The following IL1R1 variants were observed in gnomAD, a reference collection of about 807,000 sequenced individuals.
IL1R1 encodes interleukin 1 receptor type 1.
In IL1R1, 22 loss-of-function variants were observed where a neutral mutation model predicts 50.2. The observed-to-expected ratio is 0.44, with a 90% CI of 0.31 to 0.63. IL1R1 has a LOEUF of 0.63. IL1R1 is among the 20% of genes least tolerant of loss of function. IL1R1 has a pLI of 0.07. For missense variants in IL1R1, 509 were observed against 676.2 expected (o/e 0.75, Z 2.74); for synonymous variants, 251 against 236.7 (o/e 1.06, Z -0.55).
upstream of IL1R1, chr2:102,142,645 C>G (rs1435881782): frequency 5.3e-5 from 8 of 151,796 alleles, no homozygotes; most frequent in Non-Finnish European, 8.8e-5. Flanking sequence ...GTTGGGACAC[C>G]CGGCCAGCTC....
intron 3 of IL1R1, among the ~76,000 whole-genome samples, chr2:102,158,978 G>A (rs1684456579): frequency 6.6e-6 from 1 of 152,174 alleles, no homozygotes; most frequent in Non-Finnish European, 1.5e-5. Flanking sequence ...GAACCAAGAG[G>A]GATTTGGAGT....
At chr2:102,125,840 G>T (rs1681682666) in intron 1 of IL1R1, among the ~76,000 whole-genome samples, 1 of 152,184 alleles carries the variant, frequency 6.6e-6, no homozygotes, top group Non-Finnish European at 1.5e-5. Context: ...TGTGATGCCT[G>T]GGATGCAATA....
At chr2:102,172,460 AT>A (rs936152671) in intron 8 of IL1R1, 12 of 978,344 alleles carry the variant, frequency 1.2e-5, no homozygotes, top group Non-Finnish European at 1.3e-5. Flanking sequence ...GGAAGTGGTA[AT>A]TTTTTTGCTT....
At chr2:102,130,944 C>T (rs1033124715) in intron 1 of IL1R1, among the ~76,000 whole-genome samples, 1 of 152,094 alleles carries the variant, frequency 6.6e-6, no homozygotes, top group African/African-American at 2.4e-5. Flanking sequence ...AAAACAAAGC[C>T]CTGTGACTTC....
intron 1 of IL1R1, among the ~76,000 whole-genome samples, chr2:102,105,632 G>A (rs1238790629): frequency 1.3e-5 from 2 of 152,202 alleles, no homozygotes. Context: ...CCAAAGTGCT[G>A]GGATTACAGG....
chr2:102,176,290 G>A, intron 11 of IL1R1, 63 bp from the exon 12 acceptor site: 1 of 1,449,104 alleles, frequency 6.9e-7, no homozygotes, highest in Middle Eastern at 2.5e-4. Flanking sequence ...GTGTGGCTTT[G>A]GTTCAGGAGA....
Position 102,142,879 on chromosome 2 carries a change from C to T in IL1R1, c.-225C>T, listed in dbSNP as rs1231727359. ...GGGCGCCGGCCTGCCCCGCGCGCCC[C>T]AGGGAGCGGCAGGAATGTGACAATC... On this transcript the variant is annotated 5_prime_UTR_variant, in exon 1 of 12. Transcript: ENST00000410023. The T allele has an allele frequency of 1.3e-5, 2 of 150,736 alleles. No homozygotes were observed. Among genetic ancestry groups the T allele is most frequent in the African/African-American group, 2.4e-5 (1 of 41,272 alleles). The allele number at this position is 150,736 out of a possible 1,614,324, so 9.3% of individuals were successfully genotyped here.
chr2:102,113,331 G>A (rs747128679), intron 1 of IL1R1, among the ~76,000 whole-genome samples: 9 of 152,200 alleles, frequency 5.9e-5, no homozygotes, highest in Non-Finnish European at 1.2e-4. Context: ...AATTATTAGC[G>A]GTGAATGTAC....
At chr2:102,092,750 A>G (rs2104316276) in intron 1 of IL1R1, among the ~76,000 whole-genome samples, 1 of 152,246 alleles carries the variant, frequency 6.6e-6, no homozygotes, top group Non-Finnish European at 1.5e-5. Context: ...CAAAACAGGG[A>G]TGGTGGGAGG....
chr2:102,163,717 C>G (rs1264508977), intron 3 of IL1R1, among the ~76,000 whole-genome samples: 1 of 151,702 alleles, frequency 6.6e-6, no homozygotes, highest in Non-Finnish European at 1.5e-5. Context: ...GATTTTTTTC[C>G]TCCTTATCGT....
chr2:102,150,682 A>G (rs1004720225), intron 1 of IL1R1, among the ~76,000 whole-genome samples: 15 of 152,208 alleles, frequency 9.9e-5, no homozygotes, highest in Admixed American at 7.2e-4. Flanking sequence ...GGTGTGCTGC[A>G]GTGAATGGAC....
At chr2:102,110,177 T>A (rs13020398) in intron 1 of IL1R1, among the ~76,000 whole-genome samples, 6 of 151,948 alleles carry the variant, frequency 3.9e-5, no homozygotes, top group African/African-American at 1.2e-4. Flanking sequence ...CCACCTCTTT[T>A]GCACTCATAG....
At position 102,179,741 on chromosome 2, in the gene IL1R1, T is replaced by A. The variant is rs200429492; in HGVS notation, c.*2982T>A. The A allele has an allele frequency of 1.0e-4, 16 of 152,910 alleles. No homozygotes were observed. Among genetic ancestry groups the A allele is most frequent in the South Asian group, 2.1e-4 (1 of 4,830 alleles). The allele number at this position is 152,910 out of a possible 1,614,324, so 9.5% of individuals were successfully genotyped here. On this transcript the variant is annotated 3_prime_UTR_variant, in exon 12 of 12. Transcript: ENST00000410023. ...TACTAGTTGATGAAGGAGTTTTTTT[T>A]AACCTGTTTATATAATTTTGCAGCA...
At chr2:102,149,651 C>G (rs1683477931) in intron 1 of IL1R1, among the ~76,000 whole-genome samples, 1 of 152,126 alleles carries the variant, frequency 6.6e-6, no homozygotes, top group Non-Finnish European at 1.5e-5. Flanking sequence ...AATTCCAGGG[C>G]CTGTGTGGTC....
intron 1 of IL1R1, among the ~76,000 whole-genome samples, chr2:102,105,414 G>A (rs1680346982): frequency 6.6e-6 from 1 of 152,106 alleles, no homozygotes. Flanking sequence ...ACCCAGACTG[G>A]AGTACAATGG....
intron 1 of IL1R1, among the ~76,000 whole-genome samples, chr2:102,130,284 C>G (rs551349595): frequency 6.6e-6 from 1 of 152,310 alleles, no homozygotes; most frequent in South Asian, 2.1e-4. Flanking sequence ...TATAACGTAT[C>G]TTTTTCTTGG....
chr2:102,101,418 C>T (rs1680135779), upstream of IL1R1, among the ~76,000 whole-genome samples: 1 of 152,124 alleles, frequency 6.6e-6, no homozygotes, highest in Admixed American at 6.6e-5. Context: ...AGTCTCCTGC[C>T]CTCTCTTAAT....
intron 1 of IL1R1, among the ~76,000 whole-genome samples, chr2:102,078,907 T>C (rs1679093454): frequency 6.6e-6 from 1 of 152,170 alleles, no homozygotes; most frequent in African/African-American, 2.4e-5. Context: ...AAGTGGGATT[T>C]ATCCTAAGAA....
At chr2:102,103,086 GC>G (rs1680214985), upstream of IL1R1, among the ~76,000 whole-genome samples, 1 of 152,116 alleles carries the variant, frequency 6.6e-6, no homozygotes, top group African/African-American at 2.4e-5. Context: ...TGTAGACCAA[GC>G]CGCCTGAATA....
Sources: gnomAD v4.1 joint callset for allele counts (sites outside exome capture counted in the v4.1 genomes callset) on GRCh38, gnomAD v4.1.1 for gene constraint, MANE v1.5 for transcripts, NCBI Gene and HGNC (gene_info 2026-07-23, HGNC 2026-07-21) for gene names.